CACNA2D2: variants seen among roughly 807,000 people sequenced by gnomAD.
CACNA2D2 encodes the protein voltage-dependent calcium channel subunit alpha-2/delta-2.
Under a neutral mutation model 166.4 loss-of-function variants are expected in CACNA2D2, and 48 were observed. The observed-to-expected ratio is 0.29, with a 90% CI of 0.23 to 0.37. CACNA2D2 has a LOEUF of 0.37. Ranked by LOEUF, CACNA2D2 falls within the 10% of genes least tolerant of loss-of-function variation. The pLI, the probability that CACNA2D2 is intolerant of heterozygous loss-of-function variation, is 1.00. For missense variants in CACNA2D2, 1,122 were observed against 1,433.0 expected, an observed-to-expected ratio of 0.78 and a Z score of 3.50; for synonymous variants, 561 against 573.7, an observed-to-expected ratio of 0.98 and a Z score of 0.32.
intron 3 of CACNA2D2, among the ~76,000 whole-genome samples, chr3:50,410,490 G>GC (rs1491068252): frequency 6.6e-6 from 1 of 151,824 alleles, no homozygotes; most frequent in East Asian, 1.9e-4. Context: ...TGGGGGGGGG[G>GC]GTGTTGTCTT....
intron 3 of CACNA2D2, among the ~76,000 whole-genome samples, chr3:50,426,966 G>A (rs1322603329): frequency 6.6e-6 from 1 of 152,198 alleles, no homozygotes; most frequent in African/African-American, 2.4e-5. Flanking sequence ...GCTCCCAGCT[G>A]GAGGCCTTCA....
chr3:50,385,306 T>TA (rs1705537057), intron 5 of CACNA2D2, among the ~76,000 whole-genome samples: 1 of 152,058 alleles, frequency 6.6e-6, no homozygotes, highest in South Asian at 2.1e-4. Context: ...CCTAGGCTGA[T>TA]AGGAGAGATC....
Position 50,375,642 on chromosome 3 carries a change from A to G in CACNA2D2, c.1907+2T>C. The G allele has an allele frequency of 6.2e-7, 1 of 1,612,774 alleles. No individual in the cohort carries two copies. The highest frequency in any genetic ancestry group is 8.5e-7 in the Non-Finnish European group (1 of 1,179,772). The stretch of plus-strand genomic sequence containing the variant: ...TGCCCGCCCAGCCCTGGCCTCACTT[A>G]CCTGTAGTTAGTGCTCCTTATAGGC... On this transcript the variant is annotated splice_donor_variant, in intron 21 of 37. Coordinates refer to ENST00000424201, the MANE Select transcript of CACNA2D2 (RefSeq NM_006030.4). LOFTEE classifies it high-confidence loss of function. This position sits in a 1 kb window ranked among gnomAD's most constrained non-coding sequence, Gnocchi z 4.0.
intron 5 of CACNA2D2, among the ~76,000 whole-genome samples, chr3:50,386,542 G>A (rs772954924): frequency 1.4e-4 from 21 of 152,198 alleles, no homozygotes; most frequent in Non-Finnish European, 2.8e-4. Context: ...CTCAGCCAAG[G>A]GGAAGCACAC....
intron 6 of CACNA2D2, among the ~76,000 whole-genome samples, chr3:50,382,832 G>C (rs757141993): frequency 6.6e-6 from 1 of 152,168 alleles, no homozygotes; most frequent in Non-Finnish European, 1.5e-5. Context: ...CAAGGGCCAA[G>C]AGGAGACCCC....
At chr3:50,466,881 G>A (rs373692440) in intron 2 of CACNA2D2, among the ~76,000 whole-genome samples, 9 of 152,320 alleles carry the variant, frequency 5.9e-5, no homozygotes, top group South Asian at 2.1e-4. Flanking sequence ...GTCTGTACCC[G>A]AAAGATGCAA....
rs931959757 is a variant in CACNA2D2, at chr3:50,380,228, G to C, written c.843-210C>G. Among the ~76,000 whole-genome samples the C allele has an allele frequency of 6.6e-6, 1 of 152,266 alleles. No homozygotes were observed. The highest frequency in any genetic ancestry group is 2.4e-5 in the African/African-American group (1 of 41,466). The stretch of plus-strand genomic sequence containing the variant: ...GGTCTGGTTCCTCAGCAAGGAAAAA[G>C]TACCAGGGGGTATATGAGCAGGTGA... On this transcript the variant is annotated intron_variant, in intron 8 of 37. Coordinates refer to ENST00000424201, the MANE Select transcript of CACNA2D2 (RefSeq NM_006030.4). This position sits in a 1 kb window ranked among gnomAD's most constrained non-coding sequence, Gnocchi z 4.9.
At chr3:50,468,610 T>C (rs1038825806) in intron 2 of CACNA2D2, among the ~76,000 whole-genome samples, 5 of 151,906 alleles carry the variant, frequency 3.3e-5, no homozygotes, top group African/African-American at 9.7e-5. Flanking sequence ...GCCACTGAGA[T>C]TGTCTCTTCC....
rs1411258461 is a variant in CACNA2D2 at position 50,367,120 on chromosome 3, G to C, written c.2402-11C>G. 3.1e-6 allele frequency: 5 copies of C among 1,607,710 alleles called. No individual in the cohort carries two copies. The highest frequency in any genetic ancestry group is 4.3e-6 in the Non-Finnish European group (5 of 1,175,550). ...GCGGCCTTAACAGGGCTGGGGGTTG[G>C]GTGGGGAAGTCAGGAGTGGGGTCTG... On this transcript the variant is annotated splice_polypyrimidine_tract_variant and intron_variant, in intron 27 of 37. Transcript: ENST00000424201. The surrounding 1 kb of genome is among the most constrained non-coding windows in gnomAD (Gnocchi z 6.5).
Position 50,394,101 on chromosome 3 carries a change from G to T in CACNA2D2, c.465+8C>A, listed in dbSNP as rs1157358450. ...CCTAAGTGCTGGGCAGGGTGCTGGG[G>T]TTCCTACCTTGATGTTGTCCTGCCA... On this transcript the variant is annotated splice_region_variant and intron_variant, in intron 4 of 37. Transcript: ENST00000424201. The T allele has an allele frequency of 1.9e-6, 3 of 1,613,692 alleles. No individual in the cohort carries two copies. Among genetic ancestry groups the T allele is most frequent in the Non-Finnish European group, 2.5e-6 (3 of 1,179,694 alleles).
At chr3:50,428,137 T>C (rs944775678) in intron 3 of CACNA2D2, among the ~76,000 whole-genome samples, 1 of 152,050 alleles carries the variant, frequency 6.6e-6, no homozygotes, top group African/African-American at 2.4e-5. Context: ...CAGGCAACAT[T>C]TGGCGGTATT....
intron 4 of CACNA2D2, among the ~76,000 whole-genome samples, chr3:50,389,617 C>G (rs1326482318): frequency 6.6e-6 from 1 of 152,230 alleles, no homozygotes; most frequent in African/African-American, 2.4e-5. Context: ...CTAGGCACCT[C>G]AGCGTTCACT....
chr3:50,424,625 C>A (rs1252234883), intron 3 of CACNA2D2, among the ~76,000 whole-genome samples: 1 of 152,208 alleles, frequency 6.6e-6, no homozygotes, highest in Non-Finnish European at 1.5e-5. Flanking sequence ...AGACTGCACT[C>A]CTCAAGGGAG....
In CACNA2D2 at chr3:50,376,784, T is replaced by C. The variant is rs746777160; in HGVS notation, c.1627-596A>G. On this transcript the variant is annotated intron_variant, in intron 17 of 37. Transcript: ENST00000424201. This position sits in a 1 kb window ranked among gnomAD's most constrained non-coding sequence, Gnocchi z 4.3. ...CTTCAGGGGGGCTCAGGCTTAATGA[T>C]GCTGTTGTACATACCACACCTCTCC... is the stretch of plus-strand genomic sequence containing the variant. 8.5e-5 allele frequency among the ~76,000 whole-genome samples: 13 copies of C among 152,138 alleles called. No homozygotes were observed. The highest frequency in any genetic ancestry group is 1.9e-4 in the Non-Finnish European group (13 of 68,018).
In CACNA2D2 at chr3:50,367,930, G is replaced by A. The variant is rs747795975; in HGVS notation, c.2144-28C>T. 2 of 1,321,248 alleles carry A rather than the reference G, an allele frequency of 1.5e-6. No individual in the cohort carries two copies. Among genetic ancestry groups the A allele is most frequent in the Non-Finnish European group, 1.1e-6 (1 of 926,184 alleles). The allele number at this position is 1,321,248 out of a possible 1,614,324, so 81.8% of individuals were successfully genotyped here. ...GGAACAGGAGGGGAGGGGTGGGGGT[G>A]GGGGCATCTTCTTGCAGCTCCTTGC... On this transcript the variant is annotated intron_variant, in intron 24 of 37. Coordinates refer to ENST00000424201, the MANE Select transcript of CACNA2D2 (RefSeq NM_006030.4). The surrounding 1 kb of genome is among the most constrained non-coding windows in gnomAD (Gnocchi z 6.5).
At position 50,367,807 on chromosome 3, in the gene CACNA2D2, C is replaced by T; in HGVS notation, c.2234+5G>A. The T allele has an allele frequency of 6.2e-7, 1 of 1,613,208 alleles. No individual in the cohort carries two copies. The highest frequency in any genetic ancestry group is 2.2e-5 in the East Asian group (1 of 44,850). Reference sequence around the variant, plus strand: ...TTCTGCCCCCACAGGCTGGGTGATGCCTACGTGTTGAGATCCTGGTCCCTC... The same window carrying T: ...TTCTGCCCCCACAGGCTGGGTGATGTCTACGTGTTGAGATCCTGGTCCCTC... On this transcript the variant is annotated splice_donor_5th_base_variant and intron_variant, in intron 25 of 37. Transcript: ENST00000424201. The surrounding 1 kb of genome is among the most constrained non-coding windows in gnomAD (Gnocchi z 6.5).
rs769615978 is a variant in CACNA2D2 at position 50,379,317 on chromosome 3, T to C, written c.1152+115A>G. On this transcript the variant is annotated intron_variant, in intron 11 of 37. Transcript: ENST00000424201. This position sits in a 1 kb window ranked among gnomAD's most constrained non-coding sequence, Gnocchi z 6.5. ...TCCTCCCCCACAGCAGATGGAGCTA[T>C]CTGTCCAAGCTGCCTGTTTGGTGCT... 94 of 1,455,790 alleles carry C rather than the reference T, an allele frequency of 6.5e-5. No individual in the cohort carries two copies. The highest frequency in any genetic ancestry group is 8.7e-5 in the Non-Finnish European group (91 of 1,050,290). 90.2% of individuals were successfully genotyped at this position (1,455,790 alleles called of 1,614,324 possible).
chr3:50,438,608 T>C (rs1708455253), intron 2 of CACNA2D2, among the ~76,000 whole-genome samples: 1 of 152,132 alleles, frequency 6.6e-6, no homozygotes, highest in Non-Finnish European at 1.5e-5. Context: ...CCACAGCTCC[T>C]AACAGAGCTG....
At chr3:50,398,841 C>T (rs182571518) in intron 3 of CACNA2D2, among the ~76,000 whole-genome samples, 2 of 152,330 alleles carry the variant, frequency 1.3e-5, no homozygotes, top group Admixed American at 1.3e-4. Flanking sequence ...AATCAATTTC[C>T]CTCAGCTCTG....
Sources: gnomAD v4.1 joint callset for allele counts (sites outside exome capture counted in the v4.1 genomes callset) on GRCh38, gnomAD v4.1.1 for gene constraint, Gnocchi (gnomAD v3.1) non-coding constraint, MANE v1.5 for transcripts, NCBI Gene and HGNC (gene_info 2026-07-23, HGNC 2026-07-21) for gene names.